Variants in NDST4 observed in about 807,000 individuals in gnomAD.
The protein encoded by NDST4 is N-heparan sulfate sulfotransferase 4.
Under a neutral mutation model 100.8 loss-of-function variants are expected in NDST4, and 63 were observed. That is an observed-to-expected ratio of 0.62 (90% CI 0.51 to 0.77). The LOEUF is 0.77. NDST4 is among the 30% of genes least tolerant of loss of function. The pLI is 0.00. For synonymous variants in NDST4, 377 were observed against 361.8 expected (o/e 1.04, Z -0.48); for missense variants, 943 against 1,018.4 (o/e 0.93, Z 1.01).
chr4:114,957,283 A>G (rs1163014475), intron 4 of NDST4, among the ~76,000 whole-genome samples: 1 of 152,228 alleles, frequency 6.6e-6, no homozygotes, highest in Non-Finnish European at 1.5e-5. Context: ...AGGTCTCACA[A>G]CTATGGCAGA....
chr4:114,979,754 G>A (rs1560841334), intron 2 of NDST4, among the ~76,000 whole-genome samples: 1 of 151,604 alleles, frequency 6.6e-6, no homozygotes, highest in Non-Finnish European at 1.5e-5. Context: ...TTTCATTGTT[G>A]AAAAAAAGAG....
intron 2 of NDST4, among the ~76,000 whole-genome samples, chr4:115,045,683 C>T (rs909776599): frequency 1.3e-5 from 2 of 152,170 alleles, no homozygotes; most frequent in African/African-American, 4.8e-5. Context: ...TACAGAAGGA[C>T]ACCTGCACCT....
intron 4 of NDST4, among the ~76,000 whole-genome samples, chr4:114,957,360 C>T (rs973164811): frequency 2.2e-4 from 33 of 152,060 alleles, no homozygotes; most frequent in African/African-American, 7.7e-4. Context: ...AGGGGATCTC[C>T]CCTTTATTAA....
chr4:114,917,166 T>C (rs959819901), intron 6 of NDST4, among the ~76,000 whole-genome samples: 1 of 152,178 alleles, frequency 6.6e-6, no homozygotes, highest in Non-Finnish European at 1.5e-5. Flanking sequence ...CCTAATAAAA[T>C]GAAAGTTCTA....
At chr4:114,870,119 T>G (rs1215351565) in intron 7 of NDST4, among the ~76,000 whole-genome samples, 1 of 152,122 alleles carries the variant, frequency 6.6e-6, no homozygotes, top group African/African-American at 2.4e-5. Context: ...AACATTTGCC[T>G]AGATAACTGC....
intron 6 of NDST4, among the ~76,000 whole-genome samples, chr4:114,885,183 A>G (rs1036166249): frequency 5.3e-5 from 8 of 152,158 alleles, no homozygotes; most frequent in African/African-American, 1.9e-4. Context: ...CATGAATAAC[A>G]TTGTGAACAA....
intron 2 of NDST4, among the ~76,000 whole-genome samples, chr4:115,011,063 T>A (rs1284489134): frequency 6.6e-6 from 1 of 152,006 alleles, no homozygotes; most frequent in Non-Finnish European, 1.5e-5. Context: ...GCCTTCATTT[T>A]CCCACAATTC....
chr4:115,057,488 TGAGC>T (rs1728720738), intron 2 of NDST4, among the ~76,000 whole-genome samples: 1 of 152,062 alleles, frequency 6.6e-6, no homozygotes, highest in Non-Finnish European at 1.5e-5. Flanking sequence ...TAGCAACCCA[TGAGC>T]GGCCTGCAGA....
chr4:115,063,303 G>GT (rs1728862632), intron 2 of NDST4, among the ~76,000 whole-genome samples: 2 of 152,028 alleles, frequency 1.3e-5, no homozygotes, highest in South Asian at 4.1e-4. Context: ...ATGCTCTAGA[G>GT]CTAGGCTCAG....
At chr4:115,070,523 T>C (rs1008430560) in intron 2 of NDST4, among the ~76,000 whole-genome samples, 6 of 152,180 alleles carry the variant, frequency 3.9e-5, no homozygotes, top group Non-Finnish European at 7.3e-5. Flanking sequence ...AAAAACATAA[T>C]TAGTTTCTAG....
At chr4:114,913,554 A>T (rs1296181664) in intron 6 of NDST4, among the ~76,000 whole-genome samples, 5 of 152,000 alleles carry the variant, frequency 3.3e-5, no homozygotes, top group Admixed American at 3.3e-4. Flanking sequence ...ATAGAATGAG[A>T]TCATTGATAT....
intron 3 of NDST4, among the ~76,000 whole-genome samples, chr4:114,976,792 T>G (rs561155100): frequency 2.6e-5 from 4 of 151,926 alleles, no homozygotes; most frequent in African/African-American, 9.7e-5. Context: ...CAAAGGAAAA[T>G]AATATGTACA....
chr4:114,849,513 A>T (rs1723626446), intron 8 of NDST4, among the ~76,000 whole-genome samples: 1 of 152,232 alleles, frequency 6.6e-6, no homozygotes, highest in African/African-American at 2.4e-5. Flanking sequence ...AGGCTACTGC[A>T]CTTTGAGTAT....
intron 6 of NDST4, among the ~76,000 whole-genome samples, chr4:114,924,455 G>C (rs1160863789): frequency 1.3e-5 from 2 of 149,438 alleles, no homozygotes; most frequent in African/African-American, 2.5e-5. Context: ...AGAAGATAAA[G>C]GAAAAAAAAA....
At chr4:115,101,047 A>C (rs1211525893) in intron 1 of NDST4, among the ~76,000 whole-genome samples, 2 of 152,084 alleles carry the variant, frequency 1.3e-5, no homozygotes, top group Non-Finnish European at 2.9e-5. Flanking sequence ...AGAGGAAAAA[A>C]AAATCACCCA....
intron 2 of NDST4, among the ~76,000 whole-genome samples, chr4:115,011,874 T>A (rs1302272742): frequency 6.6e-6 from 1 of 151,936 alleles, no homozygotes; most frequent in East Asian, 1.9e-4. Context: ...CATGAAGCAG[T>A]GTTAATTTTT....
chr4:115,034,194 A>G (rs925681655), intron 2 of NDST4, among the ~76,000 whole-genome samples: 4 of 152,040 alleles, frequency 2.6e-5, no homozygotes, highest in African/African-American at 9.7e-5. Context: ...AAATATTCAA[A>G]CATGTTAATT....
At chr4:114,871,807 G>A (rs72679786) in intron 6 of NDST4, among the ~76,000 whole-genome samples, 11,747 of 151,736 alleles carry the variant, frequency 0.077, 531 homozygotes, top group East Asian at 0.13. Flanking sequence ...AAATTTAATT[G>A]TCTTAAAAAT....
chr4:114,863,631 T>C (rs576589307), intron 7 of NDST4, among the ~76,000 whole-genome samples: 1 of 152,364 alleles, frequency 6.6e-6, no homozygotes, highest in African/African-American at 2.4e-5. Context: ...TCTAGCACTA[T>C]AGATATATTT....
Sources: gnomAD v4.1 joint callset for allele counts (sites outside exome capture counted in the v4.1 genomes callset) on GRCh38, gnomAD v4.1.1 for gene constraint, MANE v1.5 for transcripts, NCBI Gene and HGNC (gene_info 2026-07-23, HGNC 2026-07-21) for gene names.